The following ANKFY1 variants were observed in gnomAD, a reference collection of about 807,000 sequenced individuals.
ANKFY1 encodes the protein ankyrin repeat and FYVE domain-containing protein 1.
A neutral mutation model predicts 128.3 loss-of-function variants in ANKFY1; 47 were observed. The observed-to-expected ratio is 0.37, with a 90% CI of 0.29 to 0.47. The LOEUF is 0.47. Among genes scored for constraint, ANKFY1 ranks in the 20% least tolerant of loss-of-function variants. ANKFY1 has a pLI of 1.00. For missense variants in ANKFY1, 1,222 were observed against 1,510.6 expected, an observed-to-expected ratio of 0.81 and a Z score of 3.17; for synonymous variants, 553 against 601.6, an observed-to-expected ratio of 0.92 and a Z score of 1.18.
Position 4,164,505 on chromosome 17 carries a change from G to C in ANKFY1, c.*3274C>G, listed in dbSNP as rs999661155. On this transcript the variant is annotated 3_prime_UTR_variant, in exon 25 of 25. Coordinates refer to ENST00000341657, the MANE Select transcript of ANKFY1 (RefSeq NM_001330063.2). ...TTTGGTGCTTCAGGTAGTTCTTCTG[G>C]GACTTGTCCCAAGGGAAGCAAGTGT... 1 of 152,302 alleles carries C rather than the reference G, an allele frequency of 6.6e-6. No homozygotes were observed. The highest frequency in any genetic ancestry group is 2.4e-5 in the African/African-American group (1 of 41,440). The allele number at this position is 152,302 out of a possible 1,614,324, so 9.4% of individuals were successfully genotyped here. A position where few individuals can be genotyped will look rare whatever the true frequency, so the allele number is the denominator to read the frequency against.
Position 4,174,812 on chromosome 17 carries a change from G to C in ANKFY1, c.2776-756C>G, listed in dbSNP as rs564715636. 1.7e-3 allele frequency among the ~76,000 whole-genome samples: 251 copies of C among 152,058 alleles called. 1 individual carries two copies. Among genetic ancestry groups the C allele is most frequent in the African/African-American group, 5.7e-3 (238 of 41,508 alleles). On this transcript the variant is annotated intron_variant, in intron 19 of 24. Coordinates refer to ENST00000341657, the MANE Select transcript of ANKFY1 (RefSeq NM_001330063.2). The stretch of plus-strand genomic sequence containing the variant: ...ATCATAGCTCACTGCAGCCTTGAAC[G>C]CCTGGGCTTAGATGATTGGCCCACC...
chr17:4,244,219 C>A (rs1030078732), intron 1 of ANKFY1, among the ~76,000 whole-genome samples: 1 of 152,190 alleles, frequency 6.6e-6, no homozygotes, highest in Non-Finnish European at 1.5e-5. Context: ...GCATGAGCTA[C>A]CATGCCCAGC....
chr17:4,246,354 A>C (rs2143436812), intron 1 of ANKFY1, among the ~76,000 whole-genome samples: 1 of 152,312 alleles, frequency 6.6e-6, no homozygotes, highest in Admixed American at 6.5e-5. Context: ...CAGTCAACAG[A>C]TTTGTCAAAC....
chr17:4,182,339 C>T lies in ANKFY1; in HGVS notation c.1963G>A (p.Gly655Arg), dbSNP rs1223066337. The change falls in exon 15 of 25, where the codon GGG becomes AGG. Residue 655 changes from glycine to arginine, a missense_variant. Physicochemically the swap from Gly to Arg is moderately radical, Grantham distance 125. Transcript: ENST00000341657. ...QADINVRTQD[G>R]ETALQLAIRN... The stretch of plus-strand genomic sequence containing the variant: ...ATGGCCAGCTGGAGGGCTGTCTCCC[C>T]GTCCTGAGTCCTGCTAGGACATGCA... The T allele has an allele frequency of 3.8e-6, 6 of 1,574,230 alleles. No individual in the cohort carries two copies. Among genetic ancestry groups the T allele is most frequent in the Non-Finnish European group, 3.5e-6 (4 of 1,157,324 alleles).
At position 4,178,988 on chromosome 17, in the gene ANKFY1, C is replaced by T. The variant is rs890236220; in HGVS notation, c.2467G>A (p.Val823Ile). 1 of 1,614,168 alleles carries T rather than the reference C, an allele frequency of 6.2e-7. No homozygotes were observed. The highest frequency in any genetic ancestry group is 8.5e-7 in the Non-Finnish European group (1 of 1,180,032). Residue 823 changes from valine to isoleucine, a missense_variant, in exon 18 of 25, where the codon GTT becomes ATT. Val to Ile is a conservative substitution (Grantham distance 29). Coordinates refer to ENST00000341657, the MANE Select transcript of ANKFY1 (RefSeq NM_001330063.2). The surrounding 1 kb of genome is among the most constrained non-coding windows in gnomAD (Gnocchi z 4.1). ...TTCAAATGGATATCGGGGTGAGAAA[C>T]CAACAGCTGAATGATGACACCGTGT... ...SQHGVIIQLL[V>I]SHPDIHLNVR...
At chr17:4,241,275 C>CT (rs1168854084) in intron 2 of ANKFY1, among the ~76,000 whole-genome samples, 7 of 14,944 alleles carry the variant, frequency 4.7e-4, no homozygotes, top group African/African-American at 8.7e-4. Flanking sequence ...TCTTCTTCTT[C>CT]TTTTTTTTTT....
In ANKFY1 at chr17:4,178,933, A is replaced by T. The variant is rs1316284104; in HGVS notation, c.2522T>A (p.Phe841Tyr). The T allele has an allele frequency of 6.2e-7, 1 of 1,614,178 alleles. No homozygotes were observed. Among genetic ancestry groups the T allele is most frequent in the Non-Finnish European group, 8.5e-7 (1 of 1,180,036 alleles). ...GTTCTTGAAAGTCATGGCACAGGCA[A>T]ACGGGGTCAGCCCTTGTCTGTCTCG... ...NVRDRQGLTP[F>Y]ACAMTFKNNK... is the part of the protein sequence containing the mutation. The change falls in exon 18 of 25, where the codon TTT becomes TAT. Residue 841 changes from phenylalanine (F) to tyrosine (Y), a missense_variant. Coordinates refer to ENST00000341657, the MANE Select transcript of ANKFY1 (RefSeq NM_001330063.2). The surrounding 1 kb of genome is among the most constrained non-coding windows in gnomAD (Gnocchi z 4.1).
At chr17:4,197,242 T>C (rs1040327603) in intron 8 of ANKFY1, 131 bp downstream of exon 8, 22 of 926,644 alleles carry the variant, frequency 2.4e-5, no homozygotes, top group Non-Finnish European at 3.5e-5. Flanking sequence ...TCGATGTCTG[T>C]GACTTTAATG....
Position 4,169,246 on chromosome 17 carries a change from C to A in ANKFY1, c.3329G>T (p.Cys1110Phe). Reference sequence around the variant, plus strand: ...TCCGAACCTGGCAGTGCACTCATAGCAGTAGGAGCCGTCACACCACGGAGG... The same window carrying A: ...TCCGAACCTGGCAGTGCACTCATAGAAGTAGGAGCCGTCACACCACGGAGG... ...KEPPWCDGSYCYECTARFGVT... is the reference protein window; with the variant it reads ...KEPPWCDGSYFYECTARFGVT... The change falls in exon 24 of 25, where the codon TGC becomes TTC. Residue 1110 changes from cysteine (C) to phenylalanine (F), a missense_variant. Transcript: ENST00000341657. This position sits in a 1 kb window ranked among gnomAD's most constrained non-coding sequence, Gnocchi z 5.0. The A allele has an allele frequency of 6.4e-7, 1 of 1,552,512 alleles. No individual in the cohort carries two copies. The highest frequency in any genetic ancestry group is 8.7e-7 in the Non-Finnish European group (1 of 1,147,684).
At chr17:4,175,231 G>A (rs1205319474) in intron 19 of ANKFY1, among the ~76,000 whole-genome samples, 1 of 151,560 alleles carries the variant, frequency 6.6e-6, no homozygotes, top group Non-Finnish European at 1.5e-5. Flanking sequence ...TACTCGGGAG[G>A]ATGAGATGGG....
intron 1 of ANKFY1, among the ~76,000 whole-genome samples, chr17:4,250,840 G>A (rs573389253): frequency 6.6e-6 from 1 of 152,048 alleles, no homozygotes; most frequent in Non-Finnish European, 1.5e-5. Context: ...TCAGTATGGC[G>A]CCCAAGCTGG....
intron 3 of ANKFY1, among the ~76,000 whole-genome samples, chr17:4,232,040 A>AGAATTTAATTT (rs538417416): frequency 1.1e-4 from 17 of 152,280 alleles, no homozygotes; most frequent in Admixed American, 9.2e-4. Flanking sequence ...TATGCAAGCA[A>AGAATTTAATTT]GAATTTAATT....
chr17:4,168,963 T>C lies in ANKFY1; in HGVS notation c.3377+235A>G, dbSNP rs1336106172. The C allele has an allele frequency of 1.2e-5, 6 of 513,190 alleles. No individual in the cohort carries two copies. In the East Asian group the frequency reaches 1.5e-4, roughly 13 times the overall value. The allele number at this position is 513,190 out of a possible 1,614,324, so 31.8% of individuals were successfully genotyped here. On this transcript the variant is annotated intron_variant, in intron 24 of 24. Transcript: ENST00000341657. The stretch of plus-strand genomic sequence containing the variant: ...CAGGCCTGGCAGGCTGCCTGGAAAC[T>C]GTGCACCTTCAGCCTCCAGCAGGAA...
In ANKFY1 at chr17:4,165,374, C is replaced by CTT. The variant is rs965294748; in HGVS notation, c.*2403_*2404dup. On this transcript the variant is annotated 3_prime_UTR_variant, in exon 25 of 25. Coordinates refer to ENST00000341657, the MANE Select transcript of ANKFY1 (RefSeq NM_001330063.2). The stretch of plus-strand genomic sequence containing the variant: ...TGAATTTAAGTTTTTGCTACTAGTA[C>CTT]TTAAGCTACTGATGAAAACTTACAA... 1.3e-5 allele frequency: 2 copies of CTT among 152,196 alleles called. No homozygotes were observed. Among genetic ancestry groups the CTT allele is most frequent in the African/African-American group, 4.8e-5 (2 of 41,446 alleles). 9.4% of individuals were successfully genotyped at this position (152,196 alleles called of 1,614,324 possible). A position where few individuals can be genotyped will look rare whatever the true frequency, so the allele number is the denominator to read the frequency against.
At chr17:4,168,070 G>T (rs1597996327) in intron 24 of ANKFY1, 159 bp from the exon 25 acceptor site, 5 of 649,950 alleles carry the variant, frequency 7.7e-6, no homozygotes, top group Non-Finnish European at 9.6e-6. Context: ...AATTCATGTA[G>T]AATTTTTAGT....
At chr17:4,224,247 C>T (rs1230145064) in intron 3 of ANKFY1, among the ~76,000 whole-genome samples, 3 of 95,188 alleles carry the variant, frequency 3.2e-5, no homozygotes, top group Non-Finnish European at 5.6e-5. Context: ...TTTTTTGAGA[C>T]GGAGTCTCGC....
At chr17:4,173,010 C>T (rs534121172) in intron 21 of ANKFY1, among the ~76,000 whole-genome samples, 38 of 152,204 alleles carry the variant, frequency 2.5e-4, no homozygotes, top group Non-Finnish European at 5.0e-4. Flanking sequence ...GCGCCCGCCA[C>T]CACGCCCAGA....
chr17:4,241,224 T>C (rs1385454041), intron 2 of ANKFY1, among the ~76,000 whole-genome samples: 2 of 151,014 alleles, frequency 1.3e-5, no homozygotes, highest in South Asian at 2.1e-4. Flanking sequence ...TCATATAGAT[T>C]GAAGTCACAT....
chr17:4,184,572 G>A (rs574948491), intron 12 of ANKFY1, among the ~76,000 whole-genome samples: 1 of 152,274 alleles, frequency 6.6e-6, no homozygotes, highest in Non-Finnish European at 1.5e-5. Context: ...AGTCAAATAA[G>A]ACAGACATTA....
Sources: gnomAD v4.1 joint callset for allele counts (sites outside exome capture counted in the v4.1 genomes callset) on GRCh38, gnomAD v4.1.1 for gene constraint, Gnocchi (gnomAD v3.1) non-coding constraint, MANE v1.5 for transcripts, NCBI Gene and HGNC (gene_info 2026-07-23, HGNC 2026-07-21) for gene names.